CTNND2: variants seen among roughly 807,000 people sequenced by gnomAD.
CTNND2 encodes the protein catenin delta-2.
In CTNND2, 22 loss-of-function variants were observed where a neutral mutation model predicts 144.4. The ratio of observed to expected loss-of-function variants is 0.15; its 90% CI spans 0.11 to 0.22. The LOEUF is 0.22. Among genes scored for constraint, CTNND2 ranks in the 10% least tolerant of loss-of-function variants. The probability of loss-of-function intolerance (pLI) is 1.00; values close to 1 mark genes in which losing one functional copy is unlikely to be tolerated. For synonymous variants in CTNND2, 751 were observed against 695.6 expected, an observed-to-expected ratio of 1.08 and a Z score of -1.25; for missense variants, 1,353 against 1,618.8, an observed-to-expected ratio of 0.84 and a Z score of 2.82.
chr5:11,582,539 G>A (rs1778516630), intron 2 of CTNND2, among the ~76,000 whole-genome samples: 1 of 152,210 alleles, frequency 6.6e-6, no homozygotes, highest in Admixed American at 6.5e-5. Flanking sequence ...TGAAGTAACA[G>A]CAGTGCATTC....
intron 18 of CTNND2, among the ~76,000 whole-genome samples, chr5:10,994,783 A>G (rs1008854060): frequency 6.6e-6 from 1 of 152,152 alleles, no homozygotes; most frequent in Non-Finnish European, 1.5e-5. Flanking sequence ...GGGGAGGAGT[A>G]GCCACAGCAA....
At chr5:11,649,862 A>G (rs1782556742) in intron 2 of CTNND2, among the ~76,000 whole-genome samples, 1 of 152,242 alleles carries the variant, frequency 6.6e-6, no homozygotes, top group African/African-American at 2.4e-5. Flanking sequence ...CACGATGACC[A>G]TATGACTTTG....
intron 11 of CTNND2, among the ~76,000 whole-genome samples, chr5:11,196,559 C>T (rs952222152): frequency 5.9e-5 from 9 of 152,174 alleles, no homozygotes; most frequent in African/African-American, 9.7e-5. Context: ...TTGTTTAATT[C>T]ATGCATGGAT....
chr5:11,628,401 A>G (rs1321474032), intron 2 of CTNND2, among the ~76,000 whole-genome samples: 1 of 152,168 alleles, frequency 6.6e-6, no homozygotes, highest in Non-Finnish European at 1.5e-5. Flanking sequence ...AAAACAGTAC[A>G]ATGTAGCAAT....
At chr5:11,761,940 G>T (rs1471686068) in intron 1 of CTNND2, among the ~76,000 whole-genome samples, 1 of 152,052 alleles carries the variant, frequency 6.6e-6, no homozygotes, top group Non-Finnish European at 1.5e-5. Flanking sequence ...TGTGGAAATT[G>T]AAAAATGAAA....
intron 18 of CTNND2, among the ~76,000 whole-genome samples, chr5:10,998,570 A>G (rs1167530936): frequency 6.6e-6 from 1 of 152,218 alleles, no homozygotes; most frequent in African/African-American, 2.4e-5. Flanking sequence ...CACAACTTCA[A>G]CACTGCTATG....
chr5:11,486,927 T>C (rs1461790317), intron 3 of CTNND2, among the ~76,000 whole-genome samples: 4 of 152,192 alleles, frequency 2.6e-5, no homozygotes, highest in East Asian at 1.9e-4. Context: ...CATAGTTTAT[T>C]TGAAAGCAGC....
chr5:11,298,515 T>G (rs565898244), intron 9 of CTNND2, among the ~76,000 whole-genome samples: 1 of 152,192 alleles, frequency 6.6e-6, no homozygotes, highest in East Asian at 1.9e-4. Context: ...GTGAATGTAT[T>G]AATCTGAAGA....
At chr5:11,654,636 C>T (rs1396461360) in intron 2 of CTNND2, among the ~76,000 whole-genome samples, 1 of 149,054 alleles carries the variant, frequency 6.7e-6, no homozygotes, top group Middle Eastern at 3.5e-3. Flanking sequence ...CTTTTGGTGG[C>T]ATTTTTTGGT....
At chr5:11,694,263 G>A (rs991526010) in intron 2 of CTNND2, among the ~76,000 whole-genome samples, 6 of 151,892 alleles carry the variant, frequency 4.0e-5, no homozygotes, top group Admixed American at 2.6e-4. Flanking sequence ...GTGAAACCCC[G>A]TCTCTACTAA....
intron 3 of CTNND2, among the ~76,000 whole-genome samples, chr5:11,543,124 C>T (rs532903440): frequency 6.6e-6 from 1 of 152,220 alleles, no homozygotes; most frequent in Non-Finnish European, 1.5e-5. Context: ...TCATCTCATG[C>T]CTTTCAAGTC....
intron 14 of CTNND2, among the ~76,000 whole-genome samples, chr5:11,107,301 T>C (rs1206080796): frequency 6.6e-6 from 1 of 152,242 alleles, no homozygotes; most frequent in Non-Finnish European, 1.5e-5. Flanking sequence ...TTGTCTGAAA[T>C]GAGAAGAAAC....
At chr5:11,703,289 T>C (rs1020299467) in intron 2 of CTNND2, among the ~76,000 whole-genome samples, 1 of 152,176 alleles carries the variant, frequency 6.6e-6, no homozygotes, top group Non-Finnish European at 1.5e-5. Flanking sequence ...CAGATATATG[T>C]TTATATATGC....
intron 1 of CTNND2, among the ~76,000 whole-genome samples, chr5:11,822,336 G>T (rs1364926691): frequency 6.6e-6 from 1 of 152,138 alleles, no homozygotes; most frequent in Non-Finnish European, 1.5e-5. Flanking sequence ...TGGTTGAGAA[G>T]AAGTTTTAGT....
intron 18 of CTNND2, among the ~76,000 whole-genome samples, chr5:10,996,284 G>T (rs981430392): frequency 6.6e-6 from 1 of 152,186 alleles, no homozygotes; most frequent in African/African-American, 2.4e-5. Flanking sequence ...ACGATATGGA[G>T]AGTGTATATT....
intron 12 of CTNND2, among the ~76,000 whole-genome samples, chr5:11,128,818 T>A (rs2023922): frequency 1.4e-5 from 1 of 71,266 alleles, no homozygotes; most frequent in African/African-American, 5.3e-5. Flanking sequence ...ATATATATAA[T>A]ATATATTATA....
At chr5:11,839,381 CAG>C (rs1794337955) in intron 1 of CTNND2, among the ~76,000 whole-genome samples, 1 of 152,102 alleles carries the variant, frequency 6.6e-6, no homozygotes, top group South Asian at 2.1e-4. Context: ...ACTTCAAAAA[CAG>C]AGGTGTCTAT....
At position 11,779,675 on chromosome 5, in the gene CTNND2, G is replaced by C. The variant is rs139480076; in HGVS notation, c.38-47403C>G. Among the ~76,000 whole-genome samples, 426 of 152,322 alleles carry C rather than the reference G, an allele frequency of 2.8e-3. 7 individuals carry two copies. The highest frequency in any genetic ancestry group is 9.5e-3 in the African/African-American group (393 of 41,548). ...GTTATATGAGGAGTCGCCACTTGCT[G>C]ATGTATAAATATCAAATGGTTTTAG... is the stretch of plus-strand genomic sequence containing the variant. On this transcript the variant is annotated intron_variant, in intron 1 of 21. Transcript: ENST00000304623.
At chr5:11,505,379 G>A (rs372139334) in intron 3 of CTNND2, among the ~76,000 whole-genome samples, 1 of 152,212 alleles carries the variant, frequency 6.6e-6, no homozygotes, top group African/African-American at 2.4e-5. Context: ...GAAAAGGCAC[G>A]GGCTCCTCAG....
Sources: allele counts gnomAD v4.1 joint callset (sites outside exome capture counted in the v4.1 genomes callset), GRCh38; gene constraint gnomAD v4.1.1; transcripts MANE v1.5; gene names NCBI Gene and HGNC (gene_info 2026-07-23, HGNC 2026-07-21).